SORCS1: variants seen among roughly 807,000 people sequenced by gnomAD.
SORCS1 encodes the protein sortilin related VPS10 domain containing receptor 1.
In SORCS1, 60 loss-of-function variants were observed where a neutral mutation model predicts 146.1. The observed-to-expected ratio is 0.41, with a 90% confidence interval of 0.33 to 0.51. The LOEUF (loss-of-function observed/expected upper bound fraction) is 0.51. SORCS1 is among the 20% of genes least tolerant of loss of function. SORCS1 has a pLI of 0.21. For synonymous variants in SORCS1, 637 were observed against 584.0 expected, an observed-to-expected ratio of 1.09 and a Z score of -1.31; for missense variants, 1,352 against 1,487.6, an observed-to-expected ratio of 0.91 and a Z score of 1.50.
intron 1 of SORCS1, among the ~76,000 whole-genome samples, chr10:107,039,106 G>C (rs1009969045): frequency 2.0e-5 from 3 of 151,840 alleles, no homozygotes; most frequent in Admixed American, 2.0e-4. Context: ...GAGGCGGGTG[G>C]ATCACAAGGT....
At chr10:107,099,340 G>C (rs1407166644) in intron 1 of SORCS1, among the ~76,000 whole-genome samples, 1 of 152,114 alleles carries the variant, frequency 6.6e-6, no homozygotes, top group African/African-American at 2.4e-5. Flanking sequence ...GAAAATACAA[G>C]AAGTCCACAT....
At chr10:106,898,613 G>C (rs1442176677) in intron 2 of SORCS1, among the ~76,000 whole-genome samples, 1 of 152,194 alleles carries the variant, frequency 6.6e-6, no homozygotes, top group East Asian at 1.9e-4. Context: ...TGCAAATCTA[G>C]GATACGCTGC....
At chr10:106,719,525 G>A (rs1855631914) in intron 6 of SORCS1, among the ~76,000 whole-genome samples, 1 of 151,356 alleles carries the variant, frequency 6.6e-6, no homozygotes, top group South Asian at 2.1e-4. Context: ...CGATTCTCCT[G>A]CCTCAGCCTC....
intron 2 of SORCS1, among the ~76,000 whole-genome samples, chr10:106,913,783 C>A (rs1346153315): frequency 6.6e-6 from 1 of 152,202 alleles, no homozygotes; most frequent in African/African-American, 2.4e-5. Context: ...CCAGAGCAGG[C>A]CACTCAAATC....
chr10:106,582,385 GGCAGGAA>G (rs1012550078), intron 24 of SORCS1, among the ~76,000 whole-genome samples: 1 of 152,174 alleles, frequency 6.6e-6, no homozygotes, highest in East Asian at 1.9e-4. Context: ...ATTTCTCAGA[GGCAGGAA>G]GCAGGAAGCA....
intron 5 of SORCS1, among the ~76,000 whole-genome samples, chr10:106,736,359 C>T (rs545674575): frequency 1.4e-4 from 21 of 152,212 alleles, no homozygotes; most frequent in Non-Finnish European, 2.8e-4. Context: ...TGGGAAGAAA[C>T]GAGGAGGGAC....
the SORCS1 span, among the ~76,000 whole-genome samples, chr10:107,180,084 CTTG>C: frequency 3.2e-3 from 491 of 151,560 alleles, 5 homozygotes; most frequent in South Asian, 0.014. Context: ...GCCTATCTAA[CTTG>C]TTGTTTTTTA....
chr10:106,866,172 C>T (rs1163637878), intron 2 of SORCS1, among the ~76,000 whole-genome samples: 1 of 152,162 alleles, frequency 6.6e-6, no homozygotes, highest in Non-Finnish European at 1.5e-5. Flanking sequence ...CTGAAAGCCT[C>T]TATGCCACTG....
intron 12 of SORCS1, among the ~76,000 whole-genome samples, chr10:106,678,327 T>C (rs993369012): frequency 2.0e-5 from 3 of 152,158 alleles, no homozygotes; most frequent in Non-Finnish European, 4.4e-5. Flanking sequence ...ACCTCCAAGA[T>C]CAATTGCTAT....
chr10:106,938,190 G>A (rs903585393), intron 2 of SORCS1, among the ~76,000 whole-genome samples: 5 of 152,122 alleles, frequency 3.3e-5, no homozygotes, highest in African/African-American at 1.2e-4. Flanking sequence ...GGTCCAGGAA[G>A]TAGAGAGAAG....
intron 1 of SORCS1, among the ~76,000 whole-genome samples, chr10:107,051,225 T>A (rs923616640): frequency 2.6e-5 from 4 of 152,156 alleles, no homozygotes; most frequent in Non-Finnish European, 5.9e-5. Flanking sequence ...CCACGTGTTA[T>A]GAGGATAAGA....
intron 2 of SORCS1, among the ~76,000 whole-genome samples, chr10:106,834,434 A>G (rs1001525137): frequency 1.2e-4 from 19 of 152,336 alleles, no homozygotes; most frequent in African/African-American, 4.3e-4. Context: ...TCTTAAAAGC[A>G]TATTTCATGC....
At chr10:106,894,675 A>C (rs1232142796) in intron 2 of SORCS1, among the ~76,000 whole-genome samples, 4 of 152,206 alleles carry the variant, frequency 2.6e-5, no homozygotes, top group African/African-American at 9.6e-5. Context: ...GTTGCTCATG[A>C]GTTTCAAACA....
chr10:106,865,004 G>C lies in SORCS1; in HGVS notation c.627-35331C>G, dbSNP rs575107126. Among the ~76,000 whole-genome samples the C allele has an allele frequency of 2.0e-5, 3 of 152,228 alleles. No homozygotes were observed. The South Asian group carries it at 6.2e-4, about 32-fold the overall frequency. On this transcript the variant is annotated intron_variant, in intron 2 of 25. Transcript: ENST00000263054. ...TCAAACCTCCCTGAGACAGCTCCCA[G>C]AGGGAGGGGTGGGCCACCAACTTTG... is the stretch of plus-strand genomic sequence containing the variant.
chr10:107,124,953 C>CT (rs577523339), intron 1 of SORCS1, among the ~76,000 whole-genome samples: 16,632 of 121,580 alleles, frequency 0.14, 1,466 homozygotes, highest in Non-Finnish European at 0.19. Flanking sequence ...TTTTCTTTTT[C>CT]TTTTTTTTTT....
chr10:107,140,313 A>G (rs1180320346), intron 1 of SORCS1, among the ~76,000 whole-genome samples: 4 of 152,250 alleles, frequency 2.6e-5, no homozygotes, highest in Non-Finnish European at 4.4e-5. Flanking sequence ...AAAGACTTCT[A>G]GAAGTATGCT....
chr10:107,135,682 C>A (rs116326344), intron 1 of SORCS1, among the ~76,000 whole-genome samples: 1 of 152,144 alleles, frequency 6.6e-6, no homozygotes. Flanking sequence ...AAAGCAATTA[C>A]GTCCAAGCAT....
At chr10:107,176,969 T>C in the SORCS1 span, among the ~76,000 whole-genome samples, 1 of 152,138 alleles carries the variant, frequency 6.6e-6, no homozygotes, top group Non-Finnish European at 1.5e-5. Flanking sequence ...TTGTCAATCA[T>C]ATGTGTGTGT....
At chr10:107,003,141 G>A (rs1462134484) in intron 1 of SORCS1, among the ~76,000 whole-genome samples, 3 of 152,000 alleles carry the variant, frequency 2.0e-5, no homozygotes, top group Admixed American at 6.6e-5. Flanking sequence ...TGTAATCCCC[G>A]CTACTTGGGA....
Sources: gnomAD v4.1 joint callset for allele counts (sites outside exome capture counted in the v4.1 genomes callset) on GRCh38, gnomAD v4.1.1 for gene constraint, MANE v1.5 for transcripts, NCBI Gene and HGNC (gene_info 2026-07-23, HGNC 2026-07-21) for gene names.